Variants in CHM observed in about 807,000 individuals in gnomAD.
The protein encoded by CHM is rab proteins geranylgeranyltransferase component A 1.
In CHM, 10 loss-of-function variants were observed where a neutral mutation model predicts 49.0. That is an observed-to-expected ratio of 0.20 (90% confidence interval 0.13 to 0.35). CHM has a LOEUF of 0.35. CHM is among the 10% of genes least tolerant of loss of function. The pLI, the probability that CHM is intolerant of heterozygous loss-of-function variation, is 1.00. For missense variants in CHM, 455 were observed against 478.4 expected (o/e 0.95, Z 0.46); for synonymous variants, 184 against 167.5 (o/e 1.10, Z -0.76).
chrX:86,034,581 G>C (rs1934163711), intron 1 of CHM, among the ~76,000 whole-genome samples: 1 of 111,340 alleles, frequency 9.0e-6, no homozygotes. Context: ...AGAAGTTCGA[G>C]ACTAGCCTGG....
intron 8 of CHM, among the ~76,000 whole-genome samples, chrX:85,949,012 C>T (rs5968732): frequency 0.23 from 24,889 of 110,148 alleles, 2,165 homozygotes; most frequent in Non-Finnish European, 0.25. Context: ...ATATATTTAA[C>T]CCCAAAGTGC....
chrX:86,028,561 C>CAT (rs751668625), intron 1 of CHM, among the ~76,000 whole-genome samples: 2 of 111,323 alleles, frequency 1.8e-5, no homozygotes, highest in East Asian at 5.6e-4. Flanking sequence ...CATAAAAAGA[C>CAT]ATATATATAT....
At chrX:85,878,479 CAAA>C (rs1297925483) in intron 13 of CHM, among the ~76,000 whole-genome samples, 1 of 69,536 alleles carries the variant, frequency 1.4e-5, no homozygotes, top group African/African-American at 5.5e-5. Flanking sequence ...GACTCTGTCT[CAAA>C]AAAAAAAAAA....
intron 4 of CHM, among the ~76,000 whole-genome samples, chrX:85,966,348 TA>T (rs761814256): frequency 0.061 from 4,119 of 67,059 alleles, 209 homozygotes; most frequent in African/African-American, 0.17. Context: ...AAACTCCGTC[TA>T]AAAAAAAAAA....
intron 12 of CHM, among the ~76,000 whole-genome samples, chrX:85,886,605 T>C (rs1925101596): frequency 9.0e-6 from 1 of 110,956 alleles, no homozygotes; most frequent in South Asian, 3.8e-4. Context: ...AAGAAATCAA[T>C]AGAAAAGAAA....
At chrX:85,897,390 C>T (rs1315413684) in intron 11 of CHM, among the ~76,000 whole-genome samples, 1 of 100,555 alleles carries the variant, frequency 9.9e-6, no homozygotes, top group Non-Finnish European at 2.0e-5. Flanking sequence ...TGGGGAGAGG[C>T]TGAAGATACA....
At chrX:86,024,217 A>G (rs931833097) in intron 2 of CHM, among the ~76,000 whole-genome samples, 3 of 112,430 alleles carry the variant, frequency 2.7e-5, no homozygotes, top group African/African-American at 9.7e-5. Context: ...AAAGACTACA[A>G]TATGTTCAGC....
At chrX:85,956,836 T>C (rs1930034140) in intron 7 of CHM, among the ~76,000 whole-genome samples, 1 of 111,437 alleles carries the variant, frequency 9.0e-6, no homozygotes, top group African/African-American at 3.3e-5. Context: ...TAAAAAATAA[T>C]GAAATGAATT....
intron 11 of CHM, among the ~76,000 whole-genome samples, chrX:85,897,904 G>A (rs1926006804): frequency 9.0e-6 from 1 of 111,204 alleles, no homozygotes; most frequent in African/African-American, 3.3e-5. Flanking sequence ...TGGGTACTGA[G>A]AGTGTCAGAC....
chrX:86,028,728 A>G (rs942785246), intron 1 of CHM, among the ~76,000 whole-genome samples: 5 of 111,961 alleles, frequency 4.5e-5, no homozygotes, highest in Non-Finnish European at 9.4e-5. Context: ...GATAGAAGCT[A>G]GTATTTTTTA....
intron 2 of CHM, among the ~76,000 whole-genome samples, chrX:86,019,140 T>C (rs1392395599): frequency 8.9e-6 from 1 of 111,757 alleles, no homozygotes. Context: ...TTACTTTGTG[T>C]CATTTGCATG....
At chrX:86,040,080 C>T (rs1934402514) in intron 1 of CHM, among the ~76,000 whole-genome samples, 1 of 112,424 alleles carries the variant, frequency 8.9e-6, no homozygotes, top group Admixed American at 9.4e-5. Flanking sequence ...CACACTTGCC[C>T]TTTGCCCTCA....
Position 85,969,158 on chromosome X carries a change from A to C in CHM, c.315-5106T>G, listed in dbSNP as rs1276226303. ...ATTAGAGTTGGTTCATTTGAAGGTA[A>C]CAAATAAGTTTTCATCCTGCTTTAA... On this transcript the variant is annotated intron_variant, in intron 4 of 14. Transcript: ENST00000357749. The C allele has an allele frequency of 5.5e-5, 40 of 731,162 alleles. No individual in the cohort carries two copies. In the African/African-American group the frequency reaches 9.1e-4, roughly 17 times the overall value. The allele number at this position is 731,162 out of a possible 1,213,427, so 60.3% of individuals were successfully genotyped here.
chrX:86,038,582 A>G (rs1934335582), intron 1 of CHM, among the ~76,000 whole-genome samples: 1 of 112,179 alleles, frequency 8.9e-6, no homozygotes, highest in Non-Finnish European at 1.9e-5. Context: ...TTAATTTGGT[A>G]ATCTAAATTA....
rs985242051 is a variant in CHM at position 85,920,451 on chromosome X, A to G, written c.1167-9113T>C. ...GAAGCACAGTAGTAGGGAGTTCTTG[A>G]GAGCTGTATTCAAAACCCAAATAGG... On this transcript the variant is annotated intron_variant, in intron 8 of 14. Transcript: ENST00000357749. Among the ~76,000 whole-genome samples the G allele has an allele frequency of 7.2e-5, 8 of 111,762 alleles. No individual in the cohort carries two copies. The Admixed American group carries it at 7.6e-4, about 11-fold the overall frequency.
chrX:85,879,335 TA>T lies in CHM; in HGVS notation c.1511-273del, dbSNP rs946985543. On this transcript the variant is annotated intron_variant, in intron 12 of 14. Coordinates refer to ENST00000357749, the MANE Select transcript of CHM (RefSeq NM_000390.4). The stretch of plus-strand genomic sequence containing the variant: ...ATGACATTCCTAAAGAATAACTGGG[TA>T]AAAAAAGGCTGAAAGTGAGGTATGT... 3.2e-4 allele frequency among the ~76,000 whole-genome samples: 36 copies of T among 111,497 alleles called. No individual in the cohort carries two copies. The Admixed American group carries it at 3.4e-3, about 11-fold the overall frequency.
At chrX:85,971,671 C>T (rs2147692127) in intron 4 of CHM, 1 of 199,065 alleles carries the variant, frequency 5.0e-6, no homozygotes, top group Non-Finnish European at 9.9e-6. Flanking sequence ...GAGCTGGTTG[C>T]CACTGCTGGC....
chrX:85,895,032 G>A (rs1925726404), intron 11 of CHM, among the ~76,000 whole-genome samples: 1 of 109,924 alleles, frequency 9.1e-6, no homozygotes, highest in South Asian at 3.8e-4. Context: ...TTATTCTTAA[G>A]TACTATTTAT....
At chrX:85,981,503 G>A (rs1333252183) in intron 3 of CHM, among the ~76,000 whole-genome samples, 1 of 110,603 alleles carries the variant, frequency 9.0e-6, no homozygotes, top group Admixed American at 9.6e-5. Flanking sequence ...CAAAGCGCTG[G>A]AATTACAGGC....
Sources: gnomAD v4.1 joint callset for allele counts (sites outside exome capture counted in the v4.1 genomes callset) on GRCh38, gnomAD v4.1.1 for gene constraint, MANE v1.5 for transcripts, NCBI Gene and HGNC (gene_info 2026-07-23, HGNC 2026-07-21) for gene names.